Variants in PTPRR observed in about 807,000 individuals in gnomAD.
PTPRR encodes the protein receptor-type tyrosine-protein phosphatase R.
A neutral mutation model predicts 77.2 loss-of-function variants in PTPRR; 38 were observed. The ratio of observed to expected loss-of-function variants is 0.49; its 90% CI spans 0.38 to 0.65. The LOEUF is 0.65. Among genes scored for constraint, PTPRR ranks in the 30% least tolerant of loss-of-function variants. PTPRR has a pLI of 0.00. For synonymous variants in PTPRR, 299 were observed against 283.1 expected (o/e 1.06, Z -0.57); for missense variants, 744 against 799.2 (o/e 0.93, Z 0.83).
At chr12:70,749,044 A>G (rs1210114820) in intron 5 of PTPRR, among the ~76,000 whole-genome samples, 2 of 152,344 alleles carry the variant, frequency 1.3e-5, no homozygotes, top group East Asian at 3.9e-4. Context: ...CACATTTACC[A>G]GTTCCATCTG....
intron 6 of PTPRR, among the ~76,000 whole-genome samples, chr12:70,737,824 T>C (rs964671932): frequency 4.6e-5 from 7 of 152,174 alleles, no homozygotes. Flanking sequence ...TTTGCAGCCA[T>C]GAATACAGAT....
At chr12:70,659,433 A>G (rs17814422) in intron 12 of PTPRR, among the ~76,000 whole-genome samples, 9,449 of 152,236 alleles carry the variant, frequency 0.062, 461 homozygotes, top group Admixed American at 0.15. Context: ...CTGATTAGAT[A>G]CTGATGTTGG....
intron 2 of PTPRR, among the ~76,000 whole-genome samples, chr12:70,879,511 C>A (rs912296838): frequency 1.3e-5 from 2 of 152,078 alleles, no homozygotes; most frequent in Admixed American, 6.6e-5. Context: ...CTTCCAAAAC[C>A]ATTCTGTTAC....
chr12:70,795,913 ATTTTTT>A lies in PTPRR; in HGVS notation c.358-31141_358-31136del, dbSNP rs71437157. On this transcript the variant is annotated intron_variant, in intron 2 of 13. Transcript: ENST00000283228. ...TATATGTTCAAAATGTATTTAGTAG[ATTTTTT>A]TTTTTTTTTTTTTTTTTTTTTTGAC... Among the ~76,000 whole-genome samples, 175 of 88,384 alleles carry A rather than the reference ATTTTTT, an allele frequency of 2.0e-3. 20 individuals are homozygous for A. Among genetic ancestry groups the A allele is most frequent in the Middle Eastern group, 0.01 (1 of 100 alleles). The allele number at this position is 88,384 out of a possible 152,430, so 58.0% of individuals were successfully genotyped here.
chr12:70,867,918 C>G (rs757608185), intron 2 of PTPRR, among the ~76,000 whole-genome samples: 37 of 152,226 alleles, frequency 2.4e-4, no homozygotes, highest in South Asian at 4.1e-4. Flanking sequence ...ACAAACCTGA[C>G]AAAAACAAGC....
intron 6 of PTPRR, among the ~76,000 whole-genome samples, chr12:70,722,777 T>G (rs1032076150): frequency 1.3e-5 from 2 of 152,090 alleles, no homozygotes; most frequent in African/African-American, 4.8e-5. Flanking sequence ...CCTTGCCCCC[T>G]GTTTCACAGT....
At chr12:70,744,323 A>C (rs1194888736) in intron 6 of PTPRR, among the ~76,000 whole-genome samples, 9 of 152,116 alleles carry the variant, frequency 5.9e-5, no homozygotes, top group Admixed American at 6.5e-5. Context: ...CTACCTTTCC[A>C]CACTGAATCA....
In PTPRR at chr12:70,764,688, G is replaced by C. The variant is rs780196530; in HGVS notation, c.448C>G (p.Gln150Glu). 1 of 1,613,636 alleles carries C rather than the reference G, an allele frequency of 6.2e-7. No individual in the cohort carries two copies. The highest frequency in any genetic ancestry group is 1.1e-5 in the South Asian group (1 of 91,066). ...ACAATGAGGCGATTGATGTGCACTT[G>C]CTGGGGTAAGAGTCCTAAAGCTGCA... is the stretch of plus-strand genomic sequence containing the variant. ...VAAALGLLPQ[Q>E]VHINRLIGKK... The change falls in exon 3 of 14, where the codon CAA becomes GAA. Residue 150 changes from glutamine (Q) to glutamate (E), a missense_variant. This residue lies in a region of PTPRR where 570 missense variants were observed against 573.2 expected (regional missense o/e 0.99). Transcript: ENST00000283228.
At chr12:70,678,469 A>G (rs1321445997) in intron 10 of PTPRR, among the ~76,000 whole-genome samples, 3 of 151,848 alleles carry the variant, frequency 2.0e-5, no homozygotes, top group African/African-American at 4.8e-5. Flanking sequence ...AGATTATCCA[A>G]TTTGTTCGTG....
chr12:70,757,945 T>A (rs1890600786), intron 4 of PTPRR, among the ~76,000 whole-genome samples: 1 of 152,164 alleles, frequency 6.6e-6, no homozygotes, highest in Non-Finnish European at 1.5e-5. Context: ...CAATCAATAT[T>A]TTTGCAGGGC....
At chr12:70,872,461 C>T (rs534884492) in intron 2 of PTPRR, among the ~76,000 whole-genome samples, 2 of 151,840 alleles carry the variant, frequency 1.3e-5, no homozygotes, top group African/African-American at 2.4e-5. Flanking sequence ...TTTGGGAGGC[C>T]GAGGCAGGCG....
intron 2 of PTPRR, among the ~76,000 whole-genome samples, chr12:70,768,541 C>T (rs1407474818): frequency 6.6e-6 from 1 of 152,082 alleles, no homozygotes; most frequent in African/African-American, 2.4e-5. Flanking sequence ...AAAAAGAGTC[C>T]AGGACCAGAT....
At chr12:70,874,641 C>T (rs1276747921) in intron 2 of PTPRR, among the ~76,000 whole-genome samples, 6 of 152,038 alleles carry the variant, frequency 3.9e-5, no homozygotes, top group East Asian at 1.9e-4. Context: ...AAAGCAACCT[C>T]GGCCAGGCAC....
intron 2 of PTPRR, among the ~76,000 whole-genome samples, chr12:70,809,964 C>T (rs1447798962): frequency 2.0e-5 from 3 of 152,196 alleles, no homozygotes; most frequent in East Asian, 3.9e-4. Context: ...CAGTTTCCAC[C>T]TTATTTAGAT....
intron 2 of PTPRR, among the ~76,000 whole-genome samples, chr12:70,801,132 C>G (rs1205769284): frequency 6.6e-6 from 1 of 152,120 alleles, no homozygotes; most frequent in Non-Finnish European, 1.5e-5. Context: ...GGTTATGACC[C>G]TGAATCTTCC....
intron 1 of PTPRR, among the ~76,000 whole-genome samples, chr12:70,900,672 G>A (rs1592823909): frequency 6.6e-6 from 1 of 151,242 alleles, no homozygotes; most frequent in South Asian, 2.1e-4. Context: ...CTCAAACAAT[G>A]TAATACCAAA....
intron 2 of PTPRR, among the ~76,000 whole-genome samples, chr12:70,858,617 T>C (rs1211814497): frequency 6.6e-6 from 1 of 152,080 alleles, no homozygotes; most frequent in Non-Finnish European, 1.5e-5. Context: ...GCATTTCAAG[T>C]AACTCTCTCC....
At chr12:70,647,326 G>A (rs745928143) in intron 13 of PTPRR, among the ~76,000 whole-genome samples, 47 of 152,202 alleles carry the variant, frequency 3.1e-4, no homozygotes, top group Non-Finnish European at 4.7e-4. Flanking sequence ...AGGTCAATCT[G>A]CAATGGAATA....
chr12:70,840,863 A>G (rs117570502), intron 2 of PTPRR, among the ~76,000 whole-genome samples: 2,769 of 152,040 alleles, frequency 0.018, 39 homozygotes, highest in Non-Finnish European at 0.027. Context: ...CAAAATTATC[A>G]CAACAGGGGC....
Sources: gnomAD v4.1 joint callset for allele counts (sites outside exome capture counted in the v4.1 genomes callset) on GRCh38, gnomAD v4.1.1 for gene constraint, gnomAD v4.1.1 regional missense constraint, MANE v1.5 for transcripts, NCBI Gene and HGNC (gene_info 2026-07-23, HGNC 2026-07-21) for gene names.